The following PXDNL variants were observed in gnomAD, a reference collection of about 807,000 sequenced individuals.
The protein encoded by PXDNL is peroxidasin like.
PXDNL carries 145 observed loss-of-function variants against 150.8 expected under a neutral mutation model. The observed-to-expected ratio is 0.96, with a 90% CI of 0.84 to 1.10. PXDNL has a LOEUF of 1.10. Among genes scored for constraint, PXDNL ranks in the 50% least tolerant of loss-of-function variants. The pLI, the probability that PXDNL is intolerant of heterozygous loss-of-function variation, is 0.00. For synonymous variants in PXDNL, 757 were observed against 725.7 expected (o/e 1.04, Z -0.69); for missense variants, 2,087 against 1,873.9 (o/e 1.11, Z -2.10).
intron 21 of PXDNL, among the ~76,000 whole-genome samples, chr8:51,326,469 G>C (rs553622161): frequency 2.0e-5 from 3 of 152,192 alleles, no homozygotes; most frequent in Non-Finnish European, 4.4e-5. Flanking sequence ...CTGCATTCTA[G>C]CCTGGGTGAG....
chr8:51,435,791 A>G (rs981667158), intron 12 of PXDNL: 2 of 415,984 alleles, frequency 4.8e-6, no homozygotes, highest in Non-Finnish European at 9.5e-6. Context: ...ATGGATTTTC[A>G]TCTTTTCTTC....
intron 1 of PXDNL, among the ~76,000 whole-genome samples, chr8:51,760,491 T>C (rs2037149996): frequency 6.6e-6 from 1 of 152,236 alleles, no homozygotes; most frequent in African/African-American, 2.4e-5. Flanking sequence ...TACACTGACT[T>C]ACTCATTTAC....
chr8:51,804,966 C>G (rs2037660125), intron 1 of PXDNL, among the ~76,000 whole-genome samples: 1 of 151,722 alleles, frequency 6.6e-6, no homozygotes, highest in Admixed American at 6.6e-5. Flanking sequence ...CCTGCTTGGG[C>G]TCCATCCACA....
At chr8:51,440,268 G>T (rs1349791899) in intron 12 of PXDNL, among the ~76,000 whole-genome samples, 1 of 151,968 alleles carries the variant, frequency 6.6e-6, no homozygotes, top group Non-Finnish European at 1.5e-5. Flanking sequence ...TGGACTTTGG[G>T]GATTCGGGGG....
At chr8:51,517,087 G>A (rs1811557135) in intron 4 of PXDNL, among the ~76,000 whole-genome samples, 1 of 152,194 alleles carries the variant, frequency 6.6e-6, no homozygotes. Flanking sequence ...TCAATTCATT[G>A]TAACCTTTCA....
intron 1 of PXDNL, among the ~76,000 whole-genome samples, chr8:51,726,051 T>C (rs1816812213): frequency 6.6e-6 from 1 of 152,236 alleles, no homozygotes; most frequent in East Asian, 1.9e-4. Context: ...TCCAATGTCA[T>C]CTTGAATCTC....
intron 1 of PXDNL, among the ~76,000 whole-genome samples, chr8:51,714,208 A>T (rs2130904583): frequency 6.6e-6 from 1 of 152,352 alleles, no homozygotes; most frequent in Non-Finnish European, 1.5e-5. Context: ...TTTTTGACTT[A>T]ACAAATATGC....
intron 1 of PXDNL, among the ~76,000 whole-genome samples, chr8:51,730,499 C>T (rs1816897813): frequency 6.6e-6 from 1 of 152,184 alleles, no homozygotes. Context: ...CAATTGTCTA[C>T]TATGTACCAT....
intron 4 of PXDNL, among the ~76,000 whole-genome samples, chr8:51,541,253 T>TAAATAAAG (rs1554551076): frequency 3.9e-5 from 5 of 127,210 alleles, no homozygotes; most frequent in Non-Finnish European, 6.7e-5. Context: ...TGAGACTCCA[T>TAAATAAAG]AAAAAAAAAA....
intron 1 of PXDNL, among the ~76,000 whole-genome samples, chr8:51,702,855 C>T (rs953597548): frequency 6.6e-6 from 1 of 152,036 alleles, no homozygotes; most frequent in African/African-American, 2.4e-5. Context: ...TATTGAAACG[C>T]AGAAACAAAA....
chr8:51,763,049 C>T (rs78587066), intron 1 of PXDNL, among the ~76,000 whole-genome samples: 2,143 of 152,202 alleles, frequency 0.014, 32 homozygotes, highest in Middle Eastern at 0.044. Context: ...TAGAATATTT[C>T]CAACACCCCA....
chr8:51,391,395 C>T lies in PXDNL; in HGVS notation c.3558-16664G>A, dbSNP rs1456734044. Among the ~76,000 whole-genome samples, 4 of 152,256 alleles carry T rather than the reference C, an allele frequency of 2.6e-5. No homozygotes were observed. In the East Asian group the frequency reaches 5.8e-4, roughly 22 times the overall value. On this transcript the variant is annotated intron_variant, in intron 17 of 22. Transcript: ENST00000356297. ...TGTTCCTATTTCTCCACATCCTCTC[C>T]AGCACCTGTTGTTTCCTGACTTTTT...
chr8:51,449,250 T>C (rs1809751049), intron 10 of PXDNL, 132 bp from the exon 11 acceptor site: 1 of 608,534 alleles, frequency 1.6e-6, no homozygotes, highest in South Asian at 2.1e-5. Context: ...AACAAGGTTA[T>C]AAAGAGTGTG....
intron 21 of PXDNL, among the ~76,000 whole-genome samples, chr8:51,327,164 C>T (rs760521326): frequency 6.6e-6 from 1 of 152,168 alleles, no homozygotes; most frequent in Non-Finnish European, 1.5e-5. Context: ...ACAGCTGAAC[C>T]CCAAAGAGCA....
chr8:51,378,800 C>T (rs1807439946), intron 17 of PXDNL, among the ~76,000 whole-genome samples: 2 of 152,292 alleles, frequency 1.3e-5, no homozygotes, highest in Admixed American at 6.5e-5. Flanking sequence ...TGCAGCTTCA[C>T]TCCTGAAGCC....
At chr8:51,624,551 AAAAC>A (rs1814327511) in intron 2 of PXDNL, among the ~76,000 whole-genome samples, 1 of 151,754 alleles carries the variant, frequency 6.6e-6, no homozygotes, top group Non-Finnish European at 1.5e-5. Flanking sequence ...AATATTTTCT[AAAAC>A]AAACTATAAC....
chr8:51,804,346 T>C (rs1349127634), intron 1 of PXDNL, among the ~76,000 whole-genome samples: 1 of 152,208 alleles, frequency 6.6e-6, no homozygotes, highest in Non-Finnish European at 1.5e-5. Context: ...AGGTTGGCCC[T>C]AAGCAGTTCC....
intron 21 of PXDNL, among the ~76,000 whole-genome samples, chr8:51,333,288 T>TGAGA (rs199912158): frequency 0.27 from 40,344 of 151,896 alleles, 5,690 homozygotes; most frequent in Middle Eastern, 0.35. Context: ...AAACAAATGC[T>TGAGA]GAATTCACCA....
chr8:51,605,323 T>C (rs1477798949), intron 2 of PXDNL, among the ~76,000 whole-genome samples: 1 of 152,076 alleles, frequency 6.6e-6, no homozygotes, highest in African/African-American at 2.4e-5. Context: ...GAGGTCAGAT[T>C]GGTTACTATT....
Sources: gnomAD v4.1 joint callset for allele counts (sites outside exome capture counted in the v4.1 genomes callset) on GRCh38, gnomAD v4.1.1 for gene constraint, MANE v1.5 for transcripts, NCBI Gene and HGNC (gene_info 2026-07-23, HGNC 2026-07-21) for gene names.